UNC79: variants seen among roughly 807,000 people sequenced by gnomAD.
UNC79 encodes protein unc-79 homolog.
A neutral mutation model predicts 283.1 loss-of-function variants in UNC79; 37 were observed. That is an observed-to-expected ratio of 0.13 (90% CI 0.10 to 0.17). UNC79 has a LOEUF of 0.17. Ranked by LOEUF, UNC79 falls within the 10% of genes least tolerant of loss-of-function variation. The pLI is 1.00. For synonymous variants in UNC79, 1,107 were observed against 1,200.2 expected, an observed-to-expected ratio of 0.92 and a Z score of 1.61; for missense variants, 2,272 against 3,211.1, an observed-to-expected ratio of 0.71 and a Z score of 7.07.
At chr14:93,558,222 A>G (rs1261360208) in intron 14 of UNC79, among the ~76,000 whole-genome samples, 2 of 152,236 alleles carry the variant, frequency 1.3e-5, no homozygotes, top group Non-Finnish European at 2.9e-5. Flanking sequence ...CAGATTCGCT[A>G]CAACCTAAGA....
chr14:93,486,333 C>T (rs934521279), intron 4 of UNC79, among the ~76,000 whole-genome samples: 1 of 152,068 alleles, frequency 6.6e-6, no homozygotes, highest in African/African-American at 2.4e-5. Context: ...TGTGGTGGGT[C>T]CTCTCTCAAT....
At chr14:93,543,285 C>T (rs1421475638) in intron 14 of UNC79, among the ~76,000 whole-genome samples, 1 of 151,882 alleles carries the variant, frequency 6.6e-6, no homozygotes, top group Non-Finnish European at 1.5e-5. Context: ...AGACAAAATG[C>T]ACCTATTCCT....
chr14:93,660,520 C>CATATATATATATATATATATATATAT (rs57703735), intron 39 of UNC79, among the ~76,000 whole-genome samples: 1 of 48,696 alleles, frequency 2.1e-5, no homozygotes, highest in Non-Finnish European at 3.8e-5. Flanking sequence ...AAGACAATAG[C>CATATATATATATATATATATATATAT]ATATATATAT....
intron 43 of UNC79, among the ~76,000 whole-genome samples, chr14:93,687,538 A>G (rs2074340661): frequency 6.6e-6 from 1 of 152,198 alleles, no homozygotes; most frequent in African/African-American, 2.4e-5. Flanking sequence ...TGATCCCAGA[A>G]GTTCATCAGC....
At chr14:93,648,548 C>T (rs959786008) in intron 35 of UNC79, among the ~76,000 whole-genome samples, 1 of 151,976 alleles carries the variant, frequency 6.6e-6, no homozygotes. Context: ...AAGAATGACT[C>T]CTAGGTTTTG....
rs145892367 is a variant in UNC79 at position 93,474,877 on chromosome 14, C to G, written c.448+484C>G. 7.7e-4 allele frequency among the ~76,000 whole-genome samples: 117 copies of G among 152,298 alleles called. No individual in the cohort carries two copies. The highest frequency in any genetic ancestry group is 2.7e-3 in the African/African-American group (113 of 41,562). On this transcript the variant is annotated intron_variant, in intron 3 of 48. Coordinates refer to ENST00000555664, the Ensembl canonical transcript of UNC79. This position sits in a 1 kb window ranked among gnomAD's most constrained non-coding sequence, Gnocchi z 4.1. ...CAGGAGGTTAGATGAGAAGTAATCT[C>G]TAACAACTCTTCCAAATGTAAACAA...
At chr14:93,626,298 C>T (rs574259771) in intron 30 of UNC79, among the ~76,000 whole-genome samples, 219 of 152,288 alleles carry the variant, frequency 1.4e-3, no homozygotes, top group Non-Finnish European at 1.4e-3. Flanking sequence ...AGCTTCTGCA[C>T]CTACACACCT....
At chr14:93,694,696 GC>G (rs1437304457) in intron 47 of UNC79, among the ~76,000 whole-genome samples, 1 of 152,072 alleles carries the variant, frequency 6.6e-6, no homozygotes, top group Non-Finnish European at 1.5e-5. Flanking sequence ...CAGGAGGATT[GC>G]TTGAGCCCAG....
rs572881041 is a variant in UNC79 at position 93,636,580 on chromosome 14, G to A, written c.5717-636G>A. On this transcript the variant is annotated intron_variant, in intron 31 of 48. Transcript: ENST00000555664. ...TAAAACATGGATCTGATCAGTTCACGTCAGCACACACCAGCTCCACCCTGA... is the reference window on the plus strand; with the variant it reads ...TAAAACATGGATCTGATCAGTTCACATCAGCACACACCAGCTCCACCCTGA... 3.3e-5 allele frequency among the ~76,000 whole-genome samples: 5 copies of A among 152,244 alleles called. No individual in the cohort carries two copies. In the East Asian group the frequency reaches 5.8e-4, roughly 18 times the overall value.
intron 11 of UNC79, 34 bp from the exon 12 acceptor site, chr14:93,537,955 C>A: frequency 1.3e-6 from 2 of 1,576,706 alleles, no homozygotes; most frequent in South Asian, 2.3e-5. Context: ...CCTCGGTGGT[C>A]AATTTTAATT....
intron 33 of UNC79, among the ~76,000 whole-genome samples, chr14:93,642,687 C>A (rs953121646): frequency 6.6e-6 from 1 of 152,120 alleles, no homozygotes; most frequent in Non-Finnish European, 1.5e-5. Flanking sequence ...CACTCCATTT[C>A]TTTTCTTTTT....
intron 40 of UNC79, among the ~76,000 whole-genome samples, chr14:93,668,143 G>C (rs2072419215): frequency 6.6e-6 from 1 of 152,048 alleles, no homozygotes; most frequent in Non-Finnish European, 1.5e-5. Context: ...TGGTGCTGGA[G>C]GTCCCATTCA....
chr14:93,398,039 C>G (rs2055033926), intron 1 of UNC79, among the ~76,000 whole-genome samples: 1 of 152,136 alleles, frequency 6.6e-6, no homozygotes, highest in Admixed American at 6.6e-5. Context: ...CCAGTTTTCT[C>G]TTTCCTTTTA....
intron 1 of UNC79, among the ~76,000 whole-genome samples, chr14:93,438,711 C>A (rs918737714): frequency 7.0e-6 from 1 of 142,664 alleles, no homozygotes; most frequent in African/African-American, 2.6e-5. Flanking sequence ...CTTTTTCATT[C>A]TTCCAAAATA....
At chr14:93,701,153 ACT>A (rs780746077) in intron 47 of UNC79, among the ~76,000 whole-genome samples, 9 of 148,180 alleles carry the variant, frequency 6.1e-5, no homozygotes, top group African/African-American at 1.0e-4. Flanking sequence ...CTGCCTGAAA[ACT>A]CTCTCTAGGC....
intron 22 of UNC79, among the ~76,000 whole-genome samples, chr14:93,592,869 TCTC>T (rs966757195): frequency 6.6e-6 from 1 of 152,212 alleles, no homozygotes; most frequent in Admixed American, 6.5e-5. Context: ...TTCTCTGTCT[TCTC>T]CTCCTCCCCT....
intron 1 of UNC79, chr14:93,347,973 C>A: frequency 9.5e-7 from 1 of 1,057,730 alleles, no homozygotes; most frequent in Non-Finnish European, 1.5e-6. Flanking sequence ...TGTTAGGCAG[C>A]AAGTCACTGG....
intron 1 of UNC79, among the ~76,000 whole-genome samples, chr14:93,408,953 A>C (rs1269504365): frequency 4.6e-5 from 7 of 152,248 alleles, no homozygotes. Flanking sequence ...ATCTATAAAA[A>C]TGTCCTACAA....
intron 44 of UNC79, chr14:93,689,632 G>A (rs1240690950): frequency 6.5e-6 from 1 of 154,918 alleles, no homozygotes; most frequent in Non-Finnish European, 1.4e-5. Context: ...GTAATTACAG[G>A]CATGCACCAC....
Sources: allele counts gnomAD v4.1 joint callset (sites outside exome capture counted in the v4.1 genomes callset), GRCh38; gene constraint gnomAD v4.1.1; non-coding constraint Gnocchi (gnomAD v3.1); transcripts MANE v1.5; gene names NCBI Gene and HGNC (gene_info 2026-07-23, HGNC 2026-07-21).